The following ATP8B3 variants were observed in gnomAD, a reference collection of about 807,000 sequenced individuals.
ATP8B3 encodes the protein phospholipid-transporting ATPase IK.
In ATP8B3, 141 loss-of-function variants were observed where a neutral mutation model predicts 140.9. The observed-to-expected ratio is 1.00, with a 90% CI of 0.87 to 1.15. ATP8B3 has a LOEUF of 1.15. Among genes scored for constraint, ATP8B3 ranks in the 50% most tolerant of loss-of-function variants. ATP8B3 has a pLI of 0.00. For synonymous variants in ATP8B3, 765 were observed against 714.6 expected (o/e 1.07, Z -1.13); for missense variants, 1,874 against 1,740.6 (o/e 1.08, Z -1.36).
At chr19:1,810,600 C>G (rs1239719519) in intron 3 of ATP8B3, 22 bp downstream of exon 3, 1 of 1,610,466 alleles carries the variant, frequency 6.2e-7, no homozygotes. Flanking sequence ...CCTGCACCGC[C>G]CCCTCTGCCC....
At chr19:1,787,968 G>A (rs1042198983) in intron 24 of ATP8B3, among the ~76,000 whole-genome samples, 1 of 152,070 alleles carries the variant, frequency 6.6e-6, no homozygotes, top group Non-Finnish European at 1.5e-5. Flanking sequence ...CTTGAACCCG[G>A]GAGGCAGAGG....
chr19:1,794,461 T>C lies in ATP8B3; in HGVS notation c.2055+1414A>G, dbSNP rs2068608546. On this transcript the variant is annotated intron_variant, in intron 18 of 28. Transcript: ENST00000310127. The surrounding 1 kb of genome is among the most constrained non-coding windows in gnomAD (Gnocchi z 4.8). ...TCTTCCCACACACACCCCGCTGCCC[T>C]GTGCTCCATGCTGCTGGGGCCCCAG... 6.6e-6 allele frequency among the ~76,000 whole-genome samples: 1 copy of C among 151,996 alleles called. No homozygotes were observed. Among genetic ancestry groups the C allele is most frequent in the Admixed American group, 6.5e-5 (1 of 15,270 alleles).
chr19:1,803,376 C>T (rs1232170123), intron 10 of ATP8B3, among the ~76,000 whole-genome samples: 8 of 152,190 alleles, frequency 5.3e-5, no homozygotes, highest in Non-Finnish European at 7.3e-5. Flanking sequence ...GAATTGGAGA[C>T]GCTCATGGTG....
At chr19:1,786,376 G>A (rs956315221) in intron 25 of ATP8B3, among the ~76,000 whole-genome samples, 1 of 152,056 alleles carries the variant, frequency 6.6e-6, no homozygotes, top group Non-Finnish European at 1.5e-5. Context: ...GACCAGCCTG[G>A]CCAACATGGC....
In ATP8B3 at chr19:1,809,513, G is replaced by A. The variant is rs187634277; in HGVS notation, c.402+130C>T. The stretch of plus-strand genomic sequence containing the variant: ...AAAAAGAAAGAAAGAAAAAGAAAAC[G>A]AAAACCAAAAAAAGAAAACTATCGA... On this transcript the variant is annotated intron_variant, in intron 4 of 28. Transcript: ENST00000310127. The A allele has an allele frequency of 1.2e-3, 965 of 792,620 alleles. 3 individuals carry two copies. In the African/African-American group the frequency reaches 0.015, roughly 13 times the overall value. 49.1% of individuals were successfully genotyped at this position (792,620 alleles called of 1,614,324 possible).
Position 1,807,040 on chromosome 19 carries a change from C to A in ATP8B3, c.615+128G>T. On this transcript the variant is annotated intron_variant, in intron 6 of 28. Transcript: ENST00000310127. The surrounding 1 kb of genome is among the most constrained non-coding windows in gnomAD (Gnocchi z 5.9). ...GACAATGTAGCCCCAGCAGCTGAGG[C>A]TCCCAGGCCCACGTTCCCCTAATGC... 1.2e-6 allele frequency: 1 copy of A among 841,370 alleles called. No homozygotes were observed. Among genetic ancestry groups the A allele is most frequent in the Non-Finnish European group, 1.9e-6 (1 of 521,310 alleles). The allele number at this position is 841,370 out of a possible 1,614,324, so 52.1% of individuals were successfully genotyped here.
chr19:1,802,079 CCACCCATCCACCCCT>C (rs1392911891), intron 11 of ATP8B3, 35 bp from the exon 12 acceptor site: 1 of 1,406,856 alleles, frequency 7.1e-7, no homozygotes, highest in Non-Finnish European at 9.5e-7. Flanking sequence ...ACCCACCCAC[CCACCCATCCACCCCT>C]CACCCACCCA....
In ATP8B3 at chr19:1,789,532, C is replaced by G; in HGVS notation, c.2674G>C (p.Glu892Gln). The change falls in exon 23 of 29, where the codon GAG becomes CAG. Residue 892 changes from glutamate (E) to glutamine (Q), a missense_variant. Physicochemically the swap from Glu to Gln is conservative, Grantham distance 29. Coordinates refer to ENST00000310127, the MANE Select transcript of ATP8B3 (RefSeq NM_138813.4). The stretch of plus-strand genomic sequence containing the variant: ...ACGAAGGCGCGCTCCTGCAGCACCT[C>G]GGAGCTACGGCGGGCTCTGGAGTCC... ...AQDSRARRSS[E>Q]VLQERAFVDL... is the part of the protein sequence containing the mutation. 1 of 1,597,892 alleles carries G rather than the reference C, an allele frequency of 6.3e-7. No individual in the cohort carries two copies. Among genetic ancestry groups the G allele is most frequent in the Non-Finnish European group, 8.5e-7 (1 of 1,178,588 alleles).
In ATP8B3 at chr19:1,806,066, T is replaced by A; in HGVS notation, c.750+31A>T. The A allele has an allele frequency of 6.2e-7, 1 of 1,602,378 alleles. No homozygotes were observed. The highest frequency in any genetic ancestry group is 8.5e-7 in the Non-Finnish European group (1 of 1,175,114). ...GTGCTCTCGGTGAGGGGGCGCGTGG[T>A]TCTGGGACCTCGGGGTCAACCCCAG... On this transcript the variant is annotated intron_variant, in intron 8 of 28. Transcript: ENST00000310127. This position sits in a 1 kb window ranked among gnomAD's most constrained non-coding sequence, Gnocchi z 5.6.
At position 1,800,130 on chromosome 19, in the gene ATP8B3, T is replaced by C. The variant is rs1408723573; in HGVS notation, c.1369A>G (p.Ser457Gly). 2 of 1,560,998 alleles carry C rather than the reference T, an allele frequency of 1.3e-6. No homozygotes were observed. Among genetic ancestry groups the C allele is most frequent in the African/African-American group, 1.4e-5 (1 of 73,638 alleles). ...TGCACGTCCCAGTCGATGAAGACGC[T>C]GTTCCCCAGGTAGATGAACTCGGAC... is the stretch of plus-strand genomic sequence containing the variant. ...ILSEFIYLGN[S>G]VFIDWDVQMY... Residue 457 changes from serine (S) to glycine (G), a missense_variant, in exon 14 of 29, where the codon AGC (serine) becomes GGC (glycine). By Grantham distance (56) the Ser-to-Gly change is moderately conservative. This residue lies in a region of ATP8B3 where 1,032 missense variants were observed against 963.6 expected (regional missense o/e 1.07). Coordinates refer to ENST00000310127, the MANE Select transcript of ATP8B3 (RefSeq NM_138813.4). The surrounding 1 kb of genome is among the most constrained non-coding windows in gnomAD (Gnocchi z 4.4).
At position 1,806,438 on chromosome 19, in the gene ATP8B3, C is replaced by T. The variant is rs2069022939; in HGVS notation, c.677+190G>A. ...GAGCCCTAAGCTCTGCAAGGGTTCGCCATCAGGGCCTCGGCCTCTGTCCTC... is the reference window on the plus strand; with the variant it reads ...GAGCCCTAAGCTCTGCAAGGGTTCGTCATCAGGGCCTCGGCCTCTGTCCTC... On this transcript the variant is annotated intron_variant, in intron 7 of 28. Transcript: ENST00000310127. The surrounding 1 kb of genome is among the most constrained non-coding windows in gnomAD (Gnocchi z 5.6). 3 of 1,449,434 alleles carry T rather than the reference C, an allele frequency of 2.1e-6. No individual in the cohort carries two copies. Among genetic ancestry groups the T allele is most frequent in the East Asian group, 2.5e-5 (1 of 40,216 alleles). The allele number at this position is 1,449,434 out of a possible 1,614,324, so 89.8% of individuals were successfully genotyped here. A position where few individuals can be genotyped will look rare whatever the true frequency, so the allele number is the denominator to read the frequency against.
intron 14 of ATP8B3, among the ~76,000 whole-genome samples, chr19:1,797,457 TTC>T (rs1231930125): frequency 1.3e-5 from 2 of 150,456 alleles, no homozygotes; most frequent in Non-Finnish European, 2.9e-5. Context: ...GGGGTTTTTG[TTC>T]TTTTTTATTT....
chr19:1,811,563 TG>T lies in ATP8B3; in HGVS notation c.173del (p.Pro58GlnfsTer67). 6.2e-7 allele frequency: 1 copy of T among 1,612,338 alleles called. No individual in the cohort carries two copies. ...GCCTCCTCTCAGGTGCCCCTCTGCC[TG>T]GGGAGTCTCCCATCCCAGCTCTGAT... ...TVIRAGMGDS[P>X]GRGAPERRHK... On this transcript the variant is annotated frameshift_variant, in exon 2 of 29. Coordinates refer to ENST00000310127, the MANE Select transcript of ATP8B3 (RefSeq NM_138813.4). LOFTEE classifies it high-confidence loss of function.
In ATP8B3 at chr19:1,789,617, G is replaced by C. The variant is rs1568624108; in HGVS notation, c.2589C>G (p.Ala863=). Residue 863 remains alanine (A), a synonymous_variant, in exon 23 of 29, where the codon GCC becomes GCG. Coordinates refer to ENST00000310127, the MANE Select transcript of ATP8B3 (RefSeq NM_138813.4). ...LGQSRRDFLY[A]RRLSLLCRRF... Reference sequence around the variant, plus strand: ...TCCGGCACAGCAGGGACAGGCGCCTGGCGTAGAGGAAATCCCTCCTGGACT... The same window carrying C: ...TCCGGCACAGCAGGGACAGGCGCCTCGCGTAGAGGAAATCCCTCCTGGACT... 6.3e-7 allele frequency: 1 copy of C among 1,593,100 alleles called. No homozygotes were observed. Among genetic ancestry groups the C allele is most frequent in the East Asian group, 2.3e-5 (1 of 44,048 alleles).
At chr19:1,784,115 A>G (rs183134719) in intron 28 of ATP8B3, among the ~76,000 whole-genome samples, 81 of 152,170 alleles carry the variant, frequency 5.3e-4, no homozygotes, top group Admixed American at 1.1e-3. Context: ...TGACCCACTC[A>G]TCTGTCAACA....
chr19:1,790,654 C>T (rs1370290740), intron 21 of ATP8B3, 103 bp downstream of exon 21: 1 of 879,716 alleles, frequency 1.1e-6, no homozygotes, highest in Non-Finnish European at 1.6e-6. Flanking sequence ...CCCCCCCTTC[C>T]CACTGTGCCT....
chr19:1,804,121 CTG>C (rs1344188115), intron 10 of ATP8B3, among the ~76,000 whole-genome samples: 1 of 152,122 alleles, frequency 6.6e-6, no homozygotes, highest in East Asian at 1.9e-4. Context: ...CCAAACAAAA[CTG>C]TACCCCCAGA....
In ATP8B3 at chr19:1,805,156, G is replaced by T; in HGVS notation, c.904+218C>A. ...ACGCCCAGCTACTTGTTTTATTTTTGTAGAGATGGGGTCTCGTTATGTTGT... is the reference window on the plus strand; with the variant it reads ...ACGCCCAGCTACTTGTTTTATTTTTTTAGAGATGGGGTCTCGTTATGTTGT... On this transcript the variant is annotated intron_variant, in intron 10 of 28. Coordinates refer to ENST00000310127, the MANE Select transcript of ATP8B3 (RefSeq NM_138813.4). This position sits in a 1 kb window ranked among gnomAD's most constrained non-coding sequence, Gnocchi z 5.2. 1.9e-6 allele frequency: 1 copy of T among 539,624 alleles called. No homozygotes were observed. Among genetic ancestry groups the T allele is most frequent in the Non-Finnish European group, 3.4e-6 (1 of 294,638 alleles). 33.4% of individuals were successfully genotyped at this position (539,624 alleles called of 1,614,324 possible).
intron 24 of ATP8B3, among the ~76,000 whole-genome samples, chr19:1,788,542 T>G (rs534342392): frequency 4.1e-4 from 62 of 151,898 alleles, no homozygotes; most frequent in African/African-American, 1.4e-3. Flanking sequence ...CCCAGCTACT[T>G]GGGAGGTGGA....
Sources: gnomAD v4.1 joint callset for allele counts (sites outside exome capture counted in the v4.1 genomes callset) on GRCh38, gnomAD v4.1.1 for gene constraint, gnomAD v4.1.1 regional missense constraint, Gnocchi (gnomAD v3.1) non-coding constraint, MANE v1.5 for transcripts, NCBI Gene and HGNC (gene_info 2026-07-23, HGNC 2026-07-21) for gene names.